DHX9: variants seen among roughly 807,000 people sequenced by gnomAD.
DHX9 encodes DExH-box helicase 9.
In DHX9, 27 loss-of-function variants were observed where a neutral mutation model predicts 148.7. That is an observed-to-expected ratio of 0.18 (90% CI 0.13 to 0.25). The LOEUF (loss-of-function observed/expected upper bound fraction) is 0.25. Ranked by LOEUF, DHX9 falls within the 10% of genes least tolerant of loss-of-function variation. DHX9 has a pLI of 1.00. For synonymous variants in DHX9, 529 were observed against 516.6 expected (o/e 1.02, Z -0.33); for missense variants, 796 against 1,559.6 (o/e 0.51, Z 8.25).
rs145842971 is a variant in DHX9, at chr1:182,854,919, G to A, written c.626+741G>A. 8.5e-4 allele frequency among the ~76,000 whole-genome samples: 130 copies of A among 152,256 alleles called. 1 individual carries two copies. Among genetic ancestry groups the A allele is most frequent in the African/African-American group, 2.8e-3 (118 of 41,550 alleles). On this transcript the variant is annotated intron_variant, in intron 6 of 27. Coordinates refer to ENST00000367549, the MANE Select transcript of DHX9 (RefSeq NM_001357.5). ...TTTTTATTAGAACGGAGGGGAGGTTGTAATGGAAACCTTTTTGAATGATTC... is the reference window on the plus strand; with the variant it reads ...TTTTTATTAGAACGGAGGGGAGGTTATAATGGAAACCTTTTTGAATGATTC...
chr1:182,874,810 G>T, intron 15 of DHX9, 44 bp from the exon 16 acceptor site: 1 of 1,426,710 alleles, frequency 7.0e-7, no homozygotes, highest in Non-Finnish European at 9.9e-7. Flanking sequence ...CTGCTCCATT[G>T]TGAAAGTTGA....
intron 27 of DHX9, among the ~76,000 whole-genome samples, chr1:182,885,957 A>G (rs1388294967): frequency 6.6e-6 from 1 of 152,360 alleles, no homozygotes; most frequent in East Asian, 1.9e-4. Flanking sequence ...TCTATGAAGG[A>G]TAACAGTCCG....
intron 11 of DHX9, among the ~76,000 whole-genome samples, chr1:182,859,701 C>T (rs1029466569): frequency 1.3e-5 from 2 of 152,146 alleles, no homozygotes; most frequent in African/African-American, 4.8e-5. Context: ...CACCCTCCGC[C>T]TCCTTGGTTC....
chr1:182,860,178 A>G lies in DHX9; in HGVS notation c.1326A>G (p.Val442=), dbSNP rs367943144. The change falls in exon 12 of 28, where the codon GTA becomes GTG. Residue 442 remains valine (V), a synonymous_variant. Coordinates refer to ENST00000367549, the MANE Select transcript of DHX9 (RefSeq NM_001357.5). The stretch of plus-strand genomic sequence containing the variant: ...GAGCAGCAGAGTGTAACATCGTAGT[A>G]ACTCAGGTAAGTGGTAAACCAACCA... ...NDRAAECNIV[V]TQPRRISAVS... 8 of 1,595,804 alleles carry G rather than the reference A, an allele frequency of 5.0e-6. No homozygotes were observed. The African/African-American group carries it at 1.1e-4, about 22-fold the overall frequency.
intron 1 of DHX9, among the ~76,000 whole-genome samples, chr1:182,841,460 A>G (rs1439784734): frequency 1.3e-5 from 2 of 152,208 alleles, no homozygotes; most frequent in African/African-American, 4.8e-5. Flanking sequence ...CTTGTTGTTT[A>G]ATTATTCACG....
intron 12 of DHX9, among the ~76,000 whole-genome samples, chr1:182,863,463 T>C (rs959172677): frequency 2.0e-5 from 3 of 152,236 alleles, no homozygotes; most frequent in Non-Finnish European, 2.9e-5. Context: ...TTGGTTCTTA[T>C]TTATATTTGA....
At chr1:182,844,766 C>T (rs1382915539) in intron 3 of DHX9, among the ~76,000 whole-genome samples, 1 of 152,162 alleles carries the variant, frequency 6.6e-6, no homozygotes, top group Non-Finnish European at 1.5e-5. Context: ...AACTCCTGAC[C>T]TCGGCCTCCC....
chr1:182,867,206 CT>C (rs1449342243), intron 14 of DHX9, among the ~76,000 whole-genome samples, 163 bp downstream of exon 14: 4 of 152,034 alleles, frequency 2.6e-5, no homozygotes, highest in East Asian at 1.9e-4. Context: ...ATTATTCAAT[CT>C]TTTTTTTCTT....
At chr1:182,868,699 TAG>T (rs1034740302) in intron 14 of DHX9, among the ~76,000 whole-genome samples, 2 of 152,024 alleles carry the variant, frequency 1.3e-5, no homozygotes, top group African/African-American at 2.4e-5. Flanking sequence ...GTATTTTTAG[TAG>T]AGAGAGGATT....
chr1:182,856,343 A>C (rs1415877303), intron 6 of DHX9, among the ~76,000 whole-genome samples, 189 bp from the exon 7 acceptor site: 34 of 152,166 alleles, frequency 2.2e-4, no homozygotes, highest in Admixed American at 2.2e-3. Context: ...TAGTTGTCTT[A>C]TGCCATGTTG....
chr1:182,845,467 C>T (rs1342499711), intron 3 of DHX9, among the ~76,000 whole-genome samples: 1 of 151,542 alleles, frequency 6.6e-6, no homozygotes, highest in Non-Finnish European at 1.5e-5. Flanking sequence ...TCTCATACCA[C>T]AACAATCAAC....
At chr1:182,844,213 A>G (rs562587746) in intron 3 of DHX9, among the ~76,000 whole-genome samples, 1 of 152,164 alleles carries the variant, frequency 6.6e-6, no homozygotes, top group African/African-American at 2.4e-5. Flanking sequence ...CCGTCTTCCA[A>G]AGTGCTGGGA....
intron 14 of DHX9, among the ~76,000 whole-genome samples, chr1:182,868,034 G>T (rs1339893125): frequency 6.6e-6 from 1 of 152,048 alleles, no homozygotes; most frequent in African/African-American, 2.4e-5. Context: ...TTACCCAGGG[G>T]TTACCAGCCA....
intron 24 of DHX9, among the ~76,000 whole-genome samples, chr1:182,882,839 T>G (rs1346505165): frequency 2.1e-5 from 3 of 145,600 alleles, no homozygotes; most frequent in East Asian, 2.0e-4. Context: ...CACTCCAGCC[T>G]GGGCGACAGA....
intron 16 of DHX9, among the ~76,000 whole-genome samples, chr1:182,875,784 C>T (rs1387425145): frequency 1.3e-5 from 2 of 152,054 alleles, no homozygotes; most frequent in African/African-American, 4.8e-5. Flanking sequence ...TCAGAAGGCT[C>T]CATGAGAGTT....
chr1:182,862,362 A>G (rs979236632), intron 12 of DHX9, among the ~76,000 whole-genome samples: 4 of 152,222 alleles, frequency 2.6e-5, no homozygotes, highest in Admixed American at 6.5e-5. Flanking sequence ...CCTTCGGTCT[A>G]TCCATACTCA....
chr1:182,859,908 G>C, intron 11 of DHX9, 85 bp from the exon 12 acceptor site: 1 of 1,376,708 alleles, frequency 7.3e-7, no homozygotes, highest in African/African-American at 1.5e-5. Context: ...CCAGTCTATA[G>C]AGATGGAAGT....
intron 12 of DHX9, among the ~76,000 whole-genome samples, chr1:182,861,827 G>A (rs1159682170): frequency 6.6e-6 from 1 of 152,168 alleles, no homozygotes; most frequent in African/African-American, 2.4e-5. Context: ...CCCAAAATCA[G>A]TCTCATACCT....
At chr1:182,851,751 C>T (rs546533482) in intron 3 of DHX9, among the ~76,000 whole-genome samples, 82 of 152,192 alleles carry the variant, frequency 5.4e-4, no homozygotes, top group African/African-American at 1.8e-3. Context: ...TTTCTTAATA[C>T]GTAGTACTAA....
Sources: gnomAD v4.1 joint callset for allele counts (sites outside exome capture counted in the v4.1 genomes callset) on GRCh38, gnomAD v4.1.1 for gene constraint, MANE v1.5 for transcripts, NCBI Gene and HGNC (gene_info 2026-07-23, HGNC 2026-07-21) for gene names.